The following CCDC171 variants were observed in gnomAD, a reference collection of about 807,000 sequenced individuals.
CCDC171 encodes coiled-coil domain-containing protein 171.
CCDC171 carries 177 observed loss-of-function variants against 168.2 expected under a neutral mutation model. The observed-to-expected ratio is 1.05, with a 90% confidence interval of 0.93 to 1.19. The LOEUF is 1.19. Ranked by LOEUF, CCDC171 falls within the 50% of genes most tolerant of loss-of-function variation. The pLI is 0.00. For synonymous variants in CCDC171, 687 were observed against 540.8 expected, an observed-to-expected ratio of 1.27 and a Z score of -3.75; for missense variants, 1,991 against 1,539.0, an observed-to-expected ratio of 1.29 and a Z score of -4.91.
At chr9:15,648,255 A>G (rs1226704421) in intron 7 of CCDC171, among the ~76,000 whole-genome samples, 2 of 152,228 alleles carry the variant, frequency 1.3e-5, no homozygotes, top group African/African-American at 2.4e-5. Context: ...TCTCAAAATA[A>G]TAAGAGCTAT....
chr9:15,976,991 G>T (rs944235003), downstream of CCDC171, among the ~76,000 whole-genome samples: 1 of 152,188 alleles, frequency 6.6e-6, no homozygotes, highest in South Asian at 2.1e-4. Flanking sequence ...GCCAAGCAAA[G>T]AAAAGAAAAA....
chr9:15,691,396 A>G (rs2050765081), intron 10 of CCDC171, among the ~76,000 whole-genome samples: 1 of 150,976 alleles, frequency 6.6e-6, no homozygotes, highest in African/African-American at 2.4e-5. Flanking sequence ...TAATTATAAA[A>G]CACATTGTGA....
intron 7 of CCDC171, among the ~76,000 whole-genome samples, chr9:15,645,806 G>A (rs201728705): frequency 6.6e-6 from 1 of 152,226 alleles, no homozygotes; most frequent in Non-Finnish European, 1.5e-5. Context: ...GAATGGAACC[G>A]AGTTGGAAAA....
chr9:15,653,686 C>G (rs1364888562), intron 7 of CCDC171, among the ~76,000 whole-genome samples: 1 of 152,092 alleles, frequency 6.6e-6, no homozygotes, highest in African/African-American at 2.4e-5. Flanking sequence ...TTATTTTAAA[C>G]CATATCTAGA....
chr9:15,832,274 C>A (rs544691584), intron 21 of CCDC171, among the ~76,000 whole-genome samples: 1 of 152,246 alleles, frequency 6.6e-6, no homozygotes, highest in East Asian at 1.9e-4. Context: ...CTGTGGTTGG[C>A]ATTTGAGCTC....
chr9:15,581,208 G>T (rs1218215773), intron 4 of CCDC171, among the ~76,000 whole-genome samples: 2 of 152,080 alleles, frequency 1.3e-5, no homozygotes, highest in Admixed American at 1.3e-4. Context: ...AAAATACCTA[G>T]GAATCAACTT....
intron 1 of CCDC171, among the ~76,000 whole-genome samples, chr9:15,558,319 C>G (rs7856083): frequency 3.9e-4 from 60 of 152,142 alleles, no homozygotes; most frequent in African/African-American, 1.3e-3. Context: ...ATGGTACCAG[C>G]TCCTCTTTGT....
chr9:15,839,565 A>G (rs1315044329), intron 21 of CCDC171, among the ~76,000 whole-genome samples: 1 of 152,182 alleles, frequency 6.6e-6, no homozygotes, highest in East Asian at 1.9e-4. Context: ...GATTATAAAG[A>G]ATCAAATGAA....
intron 6 of CCDC171, among the ~76,000 whole-genome samples, chr9:15,606,467 G>C (rs373986265): frequency 7.6e-4 from 115 of 152,288 alleles, no homozygotes; most frequent in African/African-American, 2.6e-3. Context: ...CTTTGTAATT[G>C]TAGAACTTTG....
At chr9:15,583,604 A>G (rs1278020892) in intron 4 of CCDC171, among the ~76,000 whole-genome samples, 2 of 152,132 alleles carry the variant, frequency 1.3e-5, no homozygotes, top group Admixed American at 1.3e-4. Context: ...TAAGAATGAT[A>G]TAATGGACTT....
intron 6 of CCDC171, among the ~76,000 whole-genome samples, chr9:16,035,133 A>G (rs924478203): frequency 2.6e-5 from 4 of 152,188 alleles, no homozygotes; most frequent in African/African-American, 9.7e-5. Context: ...CTTAGCTCCC[A>G]GGTTTTGACT....
chr9:15,819,326 C>T (rs1428906241), intron 21 of CCDC171, among the ~76,000 whole-genome samples: 2 of 116,968 alleles, frequency 1.7e-5, no homozygotes, highest in South Asian at 2.8e-4. Flanking sequence ...ATGACAGGAT[C>T]AGATTCACAC....
intron 21 of CCDC171, among the ~76,000 whole-genome samples, chr9:15,799,135 CAT>C (rs57651824): frequency 0.039 from 4,296 of 108,922 alleles, 140 homozygotes; most frequent in African/African-American, 0.067. Flanking sequence ...TCATCATTGC[CAT>C]ATATATATAT....
intron 6 of CCDC171, 142 bp from the exon 7 acceptor site, chr9:15,623,125 T>C (rs1451833132): frequency 6.3e-6 from 3 of 479,694 alleles, no homozygotes; most frequent in Non-Finnish European, 1.1e-5. Context: ...ATGGAAAATA[T>C]CTAGGCCTCT....
At chr9:15,935,209 G>A (rs959892251) in intron 25 of CCDC171, among the ~76,000 whole-genome samples, 1 of 152,104 alleles carries the variant, frequency 6.6e-6, no homozygotes, top group East Asian at 2.0e-4. Flanking sequence ...GTTCTTGGGT[G>A]GTGTAGGATA....
chr9:15,747,460 C>CCAACAG (rs2055379307), intron 18 of CCDC171, among the ~76,000 whole-genome samples: 1 of 152,192 alleles, frequency 6.6e-6, no homozygotes, highest in African/African-American at 2.4e-5. Flanking sequence ...GACTGGGAGA[C>CCAACAG]ACCTCCCAGT....
chr9:15,597,578 T>C (rs1429420672), intron 6 of CCDC171, among the ~76,000 whole-genome samples: 1 of 152,218 alleles, frequency 6.6e-6, no homozygotes, highest in Admixed American at 6.5e-5. Context: ...TGCATTGATG[T>C]TCATCAGGGA....
chr9:15,716,090 C>A lies in CCDC171; in HGVS notation c.1319-5679C>A, dbSNP rs566883775. On this transcript the variant is annotated intron_variant, in intron 11 of 25. Transcript: ENST00000380701. ...TTGACAAAAAATTCACCATCACATC[C>A]CCTTTTCTCCTTCCCCCTTGTCCCT... is the stretch of plus-strand genomic sequence containing the variant. Among the ~76,000 whole-genome samples, 3 of 152,278 alleles carry A rather than the reference C, an allele frequency of 2.0e-5. 1 individual carries two copies. Among genetic ancestry groups the A allele is most frequent in the Admixed American group, 2.0e-4 (3 of 15,302 alleles).
chr9:15,849,709 T>C (rs953828510), intron 23 of CCDC171, among the ~76,000 whole-genome samples: 12 of 151,768 alleles, frequency 7.9e-5, no homozygotes, highest in African/African-American at 2.4e-5. Flanking sequence ...TTAAGTACTT[T>C]AAAGATACAT....
Sources: allele counts gnomAD v4.1 joint callset (sites outside exome capture counted in the v4.1 genomes callset), GRCh38; gene constraint gnomAD v4.1.1; transcripts MANE v1.5; gene names NCBI Gene and HGNC (gene_info 2026-07-23, HGNC 2026-07-21).